Variants in LCAT observed in about 807,000 individuals in gnomAD.
The protein encoded by LCAT is phosphatidylcholine-sterol acyltransferase.
A neutral mutation model predicts 41.0 loss-of-function variants in LCAT; 15 were observed. The observed-to-expected ratio is 0.37, with a 90% CI of 0.24 to 0.56. The LOEUF is 0.56. Among genes scored for constraint, LCAT ranks in the 20% least tolerant of loss-of-function variants. The pLI is 0.81. For synonymous variants in LCAT, 248 were observed against 245.4 expected, an observed-to-expected ratio of 1.01 and a Z score of -0.10; for missense variants, 449 against 595.1, an observed-to-expected ratio of 0.75 and a Z score of 2.55.
At position 67,944,076 on chromosome 16, in the gene LCAT, T is replaced by G. The variant is rs1297313253; in HGVS notation, c.26A>C (p.Gln9Pro). 3 of 1,547,920 alleles carry G rather than the reference T, an allele frequency of 1.9e-6. No individual in the cohort carries two copies. Among genetic ancestry groups the G allele is most frequent in the Non-Finnish European group, 2.6e-6 (3 of 1,146,322 alleles). MGPPGSPWQWVTLLLGLLL... is the reference protein window; with the variant it reads MGPPGSPWPWVTLLLGLLL... ...CAGCCCCAGCAGCAGCGTCACCCAC[T>G]GCCATGGGGAGCCGGGCGGCCCCAT... The change falls in exon 1 of 6, where the codon CAG (glutamine) becomes CCG (proline). Residue 9 changes from glutamine (Q) to proline (P), a missense_variant. By Grantham distance (76) the Gln-to-Pro change is moderately conservative. Coordinates refer to ENST00000264005, the MANE Select transcript of LCAT (RefSeq NM_000229.2). This position sits in a 1 kb window ranked among gnomAD's most constrained non-coding sequence, Gnocchi z 6.6.
rs199560940 is a variant in LCAT at position 67,942,906 on chromosome 16, C to T, written c.382G>A (p.Gly128Ser). Reference protein sequence around the residue: ...PGVQIRVPGFGKTYSVEYLDS... With the variant: ...PGVQIRVPGFSKTYSVEYLDS... ...AGGTACTCCACAGAGTAGGTCTTGC[C>T]AAAGCCAGGGACGCGGATCTGGACA... The change falls in exon 3 of 6, where the codon GGC becomes AGC. Residue 128 changes from glycine (G) to serine (S), a missense_variant. Transcript: ENST00000264005. The surrounding 1 kb of genome is among the most constrained non-coding windows in gnomAD (Gnocchi z 6.6). 5.3e-5 allele frequency: 86 copies of T among 1,613,740 alleles called. No homozygotes were observed. The highest frequency in any genetic ancestry group is 6.9e-5 in the Non-Finnish European group (81 of 1,179,990).
rs1166054336 is a variant in LCAT, at chr16:67,942,732, G to A, written c.462C>T (p.Asn154=). The A allele has an allele frequency of 1.9e-6, 3 of 1,612,898 alleles. No individual in the cohort carries two copies. The South Asian group carries it at 3.3e-5, about 18-fold the overall frequency. Residue 154 remains asparagine, a synonymous_variant, in exon 4 of 6, where the codon AAC becomes AAT. Transcript: ENST00000264005. The surrounding 1 kb of genome is among the most constrained non-coding windows in gnomAD (Gnocchi z 6.6). The stretch of plus-strand genomic sequence containing the variant: ...CAGTCTCGTCCCGCACGTAGCCATT[G>A]TTGACCAGGTTCTGCACCAGTGTGT... ...YLHTLVQNLV[N]NGYVRDETVR...
rs753838845 is a variant in LCAT, at chr16:67,942,980, C to T, written c.312-4G>A. ...AGAGCTCCGGTTGTAGACAACCCTG[C>T]GGGGCGGGGGTGCCACTCAGCAGCC... On this transcript the variant is annotated splice_region_variant and splice_polypyrimidine_tract_variant and intron_variant, in intron 2 of 5. Transcript: ENST00000264005. This position sits in a 1 kb window ranked among gnomAD's most constrained non-coding sequence, Gnocchi z 6.6. 21 of 1,613,542 alleles carry T rather than the reference C, an allele frequency of 1.3e-5. No homozygotes were observed. Among genetic ancestry groups the T allele is most frequent in the Admixed American group, 3.3e-5 (2 of 59,990 alleles).
At position 67,942,793 on chromosome 16, in the gene LCAT, G is replaced by A. The variant is rs2058299528; in HGVS notation, c.428-27C>T. On this transcript the variant is annotated intron_variant, in intron 3 of 5. Coordinates refer to ENST00000264005, the MANE Select transcript of LCAT (RefSeq NM_000229.2). This position sits in a 1 kb window ranked among gnomAD's most constrained non-coding sequence, Gnocchi z 6.6. ...TGTGGGGGGACCAGCAGCACCGGGG[G>A]CTTGGGCCATGCCTGCTGTGGGCCA... The A allele has an allele frequency of 6.2e-7, 1 of 1,612,574 alleles. No individual in the cohort carries two copies. Among genetic ancestry groups the A allele is most frequent in the Middle Eastern group, 1.6e-4 (1 of 6,062 alleles).
Position 67,942,890 on chromosome 16 carries a change from A to G in LCAT, c.398T>C (p.Val133Ala). 6.2e-7 allele frequency: 1 copy of G among 1,613,752 alleles called. No homozygotes were observed. ...RVPGFGKTYS[V>A]EYLDSSKLAG... The stretch of plus-strand genomic sequence containing the variant: ...CAGCTTGCTGCTGTCCAGGTACTCC[A>G]CAGAGTAGGTCTTGCCAAAGCCAGG... Residue 133 changes from valine to alanine, a missense_variant, in exon 3 of 6, where the codon GTG (valine) becomes GCG (alanine). Transcript: ENST00000264005. This position sits in a 1 kb window ranked among gnomAD's most constrained non-coding sequence, Gnocchi z 6.6.
chr16:67,940,665 C>G, intron 5 of LCAT, 187 bp from the exon 6 acceptor site: 2 of 1,026,124 alleles, frequency 1.9e-6, no homozygotes, highest in East Asian at 2.7e-5. Context: ...CAATGAGAAG[C>G]CCTGATAAGA....
rs1268703315 is a variant in LCAT, at chr16:67,940,355, G to A, written c.872C>T (p.Ser291Phe). ...GCCTGTGTAGTTGAAGCTGGGTGTG[G>A]AAATGAACACGTGGTCCTCAGGCCA... is the stretch of plus-strand genomic sequence containing the variant. ...MAWPEDHVFI[S>F]TPSFNYTGRD... Residue 291 changes from serine to phenylalanine, a missense_variant, in exon 6 of 6, where the codon TCC becomes TTC. Transcript: ENST00000264005. 1 of 1,614,048 alleles carries A rather than the reference G, an allele frequency of 6.2e-7. No homozygotes were observed. Among genetic ancestry groups the A allele is most frequent in the African/African-American group, 1.3e-5 (1 of 74,924 alleles).
chr16:67,942,406 A>T lies in LCAT; in HGVS notation c.705T>A (p.Ala235=). The T allele has an allele frequency of 6.2e-7, 1 of 1,613,974 alleles. No individual in the cohort carries two copies. The highest frequency in any genetic ancestry group is 8.5e-7 in the Non-Finnish European group (1 of 1,179,998). ...RFIDGFISLG[A]PWGGSIKPML... ...TGGGCTTGATGGAGCCACCCCAGGG[A>T]GCCCCAAGAGAGATGAAGCCATCAA... Residue 235 remains alanine, a synonymous_variant, in exon 5 of 6, where the codon GCT becomes GCA. Transcript: ENST00000264005. This position sits in a 1 kb window ranked among gnomAD's most constrained non-coding sequence, Gnocchi z 6.6.
Position 67,939,959 on chromosome 16 carries a change from C to A in LCAT, c.1268G>T (p.Arg423Leu). 6.2e-7 allele frequency: 1 copy of A among 1,613,534 alleles called. No individual in the cohort carries two copies. The highest frequency in any genetic ancestry group is 1.1e-5 in the South Asian group (1 of 91,084). ...AGTCGGGGATGCAGGGGGACCCTGG[C>A]GGTAGGCACCCAGCAGGATGGCATT... is the stretch of plus-strand genomic sequence containing the variant. ...HINAILLGAY[R>L]QGPPASPTAS... The change falls in exon 6 of 6, where the codon CGC becomes CTC. Residue 423 changes from arginine to leucine, a missense_variant. Physicochemically the swap from Arg to Leu is moderately radical, Grantham distance 102. Coordinates refer to ENST00000264005, the MANE Select transcript of LCAT (RefSeq NM_000229.2).
Position 67,942,311 on chromosome 16 carries a change from GATCAGCTTGGTCTCACCCATCGC to G in LCAT, c.748+29_748+51del. On this transcript the variant is annotated intron_variant, in intron 5 of 5. Transcript: ENST00000264005. This position sits in a 1 kb window ranked among gnomAD's most constrained non-coding sequence, Gnocchi z 6.6. ...GGAGCCGCAATGAAGGCAGGCCCAG[GATCAGCTTGGTCTCACCCATCGC>G]TGGACCTAAGTGTTCGAGGCCTTCT... The G allele has an allele frequency of 6.3e-7, 1 of 1,576,328 alleles. No individual in the cohort carries two copies. The highest frequency in any genetic ancestry group is 8.7e-7 in the Non-Finnish European group (1 of 1,147,946).
Position 67,940,347 on chromosome 16 carries a change from T to A in LCAT, c.880A>T (p.Ser294Cys). ...PEDHVFISTP[S>C]FNYTGRDFQR... ...AAGTCACGGCCTGTGTAGTTGAAGC[T>A]GGGTGTGGAAATGAACACGTGGTCC... The change falls in exon 6 of 6, where the codon AGC (serine) becomes TGC (cysteine). Residue 294 changes from serine (S) to cysteine (C), a missense_variant. Transcript: ENST00000264005. 6.2e-7 allele frequency: 1 copy of A among 1,614,144 alleles called. No homozygotes were observed. The highest frequency in any genetic ancestry group is 1.1e-5 in the South Asian group (1 of 91,090).
rs2058282738 is a variant in LCAT, at chr16:67,939,880, G to A, written c.*24C>T. ...TTCAACCTGAAACATAGCCATCAGGGCTTACGGTAGCAAAGGAAGGTCTTT... is the reference window on the plus strand; with the variant it reads ...TTCAACCTGAAACATAGCCATCAGGACTTACGGTAGCAAAGGAAGGTCTTT... On this transcript the variant is annotated 3_prime_UTR_variant, in exon 6 of 6. Transcript: ENST00000264005. The A allele has an allele frequency of 1.9e-6, 3 of 1,606,800 alleles. No homozygotes were observed. The highest frequency in any genetic ancestry group is 1.3e-5 in the African/African-American group (1 of 74,864).
chr16:67,943,221 A>G lies in LCAT; in HGVS notation c.155-9T>C. On this transcript the variant is annotated splice_polypyrimidine_tract_variant and intron_variant, in intron 1 of 5. Transcript: ENST00000264005. The surrounding 1 kb of genome is among the most constrained non-coding windows in gnomAD (Gnocchi z 4.6). Reference sequence around the variant, plus strand: ...CCCCAGGCAGCCGGGCACTGTGAGCAGCAGCCCTCACTCTGGACTCTGGAT... The same window carrying G: ...CCCCAGGCAGCCGGGCACTGTGAGCGGCAGCCCTCACTCTGGACTCTGGAT... The G allele has an allele frequency of 6.2e-7, 1 of 1,612,396 alleles. No homozygotes were observed.
rs761884788 is a variant in LCAT, at chr16:67,940,251, C to T, written c.976G>A (p.Ala326Thr). Residue 326 changes from alanine to threonine, a missense_variant, in exon 6 of 6, where the codon GCA becomes ACA. Coordinates refer to ENST00000264005, the MANE Select transcript of LCAT (RefSeq NM_000229.2). ...TCCACACCAGGTGCTGGGAGTCCTG[C>T]CAGGAGGTCACGTGACTGCAGCCAC... ...YMWLQSRDLL[A>T]GLPAPGVEVY... The T allele has an allele frequency of 1.9e-6, 3 of 1,613,780 alleles. No individual in the cohort carries two copies. The highest frequency in any genetic ancestry group is 1.6e-4 in the Middle Eastern group (1 of 6,062).
rs933942081 is a variant in LCAT at position 67,942,472 on chromosome 16, A to G, written c.639T>C (p.Tyr213=). 6.2e-7 allele frequency: 1 copy of G among 1,613,752 alleles called. No individual in the cohort carries two copies. The highest frequency in any genetic ancestry group is 1.3e-5 in the African/African-American group (1 of 74,918). Residue 213 remains tyrosine (Y), a synonymous_variant, in exon 5 of 6, where the codon TAT becomes TAC. Transcript: ENST00000264005. This position sits in a 1 kb window ranked among gnomAD's most constrained non-coding sequence, Gnocchi z 6.6. ...AGGCCTGGGGCTGGCGCAGCAGGAA[A>G]TAGAGCAAGTGTAGACAGCCGAGGC... The part of the protein sequence containing the change: ...GHSLGCLHLL[Y]FLLRQPQAWK...
At position 67,943,300 on chromosome 16, in the gene LCAT, C is replaced by T; in HGVS notation, c.155-88G>A. On this transcript the variant is annotated intron_variant, in intron 1 of 5. Transcript: ENST00000264005. This position sits in a 1 kb window ranked among gnomAD's most constrained non-coding sequence, Gnocchi z 4.6. ...CCAGATGCTGCAGTGACCAGACCCA[C>T]CCCCCACCTCCCATACCCTCAACCC... 2 of 1,345,314 alleles carry T rather than the reference C, an allele frequency of 1.5e-6. No individual in the cohort carries two copies. Among genetic ancestry groups the T allele is most frequent in the Admixed American group, 1.8e-5 (1 of 55,788 alleles). The allele number at this position is 1,345,314 out of a possible 1,614,324, so 83.3% of individuals were successfully genotyped here. A position where few individuals can be genotyped will look rare whatever the true frequency, so the allele number is the denominator to read the frequency against.
chr16:67,943,892 G>C lies in LCAT; in HGVS notation c.154+56C>G. On this transcript the variant is annotated intron_variant, in intron 1 of 5. Transcript: ENST00000264005. The surrounding 1 kb of genome is among the most constrained non-coding windows in gnomAD (Gnocchi z 4.6). Reference sequence around the variant, plus strand: ...TGGCCAGGTCAGCTGCCAGGGGCTGGGGCCCAGGCTCCCCAGGGTCTGGCG... The same window carrying C: ...TGGCCAGGTCAGCTGCCAGGGGCTGCGGCCCAGGCTCCCCAGGGTCTGGCG... 1 of 1,468,384 alleles carries C rather than the reference G, an allele frequency of 6.8e-7. No individual in the cohort carries two copies. The highest frequency in any genetic ancestry group is 9.2e-7 in the Non-Finnish European group (1 of 1,090,804). 91.0% of individuals were successfully genotyped at this position (1,468,384 alleles called of 1,614,324 possible).
Position 67,943,557 on chromosome 16 carries a change from CGGGCA to C in LCAT, c.155-350_155-346del, listed in dbSNP as rs2058306610. 2.0e-6 allele frequency: 1 copy of C among 502,778 alleles called. No homozygotes were observed. Among genetic ancestry groups the C allele is most frequent in the East Asian group, 3.7e-5 (1 of 27,212 alleles). 31.1% of individuals were successfully genotyped at this position (502,778 alleles called of 1,614,324 possible). A position where few individuals can be genotyped will look rare whatever the true frequency, so the allele number is the denominator to read the frequency against. On this transcript the variant is annotated intron_variant, in intron 1 of 5. Coordinates refer to ENST00000264005, the MANE Select transcript of LCAT (RefSeq NM_000229.2). The surrounding 1 kb of genome is among the most constrained non-coding windows in gnomAD (Gnocchi z 4.6). The stretch of plus-strand genomic sequence containing the variant: ...CATGGGGGCTGGGCCTAATAGGGGC[CGGGCA>C]TGGATGGGCCTCTCCTGCTCACCGA...
Position 67,943,907 on chromosome 16 carries a change from A to G in LCAT, c.154+41T>C. The G allele has an allele frequency of 6.6e-7, 1 of 1,505,856 alleles. No individual in the cohort carries two copies. 93.3% of individuals were successfully genotyped at this position (1,505,856 alleles called of 1,614,324 possible). A position where few individuals can be genotyped will look rare whatever the true frequency, so the allele number is the denominator to read the frequency against. ...CCAGGGGCTGGGGCCCAGGCTCCCC[A>G]GGGTCTGGCGTGGTGCATCAGGGGC... On this transcript the variant is annotated intron_variant, in intron 1 of 5. Transcript: ENST00000264005. The surrounding 1 kb of genome is among the most constrained non-coding windows in gnomAD (Gnocchi z 4.6).
Sources: allele counts gnomAD v4.1 joint callset, GRCh38; gene constraint gnomAD v4.1.1; non-coding constraint Gnocchi (gnomAD v3.1); transcripts MANE v1.5; gene names NCBI Gene and HGNC (gene_info 2026-07-23, HGNC 2026-07-21).